PDE4D: variants seen among roughly 807,000 people sequenced by gnomAD.
PDE4D encodes phosphodiesterase 4D, also known as 3',5'-cyclic-AMP phosphodiesterase 4D.
In PDE4D, 24 loss-of-function variants were observed where a neutral mutation model predicts 87.4. That is an observed-to-expected ratio of 0.27 (90% CI 0.20 to 0.39). PDE4D has a LOEUF of 0.39. PDE4D is among the 10% of genes least tolerant of loss of function. PDE4D has a pLI of 1.00. For missense variants in PDE4D, 714 were observed against 1,041.0 expected (o/e 0.69, Z 4.32); for synonymous variants, 384 against 383.2 (o/e 1.00, Z -0.02).
intron 1 of PDE4D, among the ~76,000 whole-genome samples, chr5:59,297,422 G>A (rs544914939): frequency 6.6e-6 from 1 of 152,174 alleles, no homozygotes; most frequent in East Asian, 1.9e-4. Flanking sequence ...GGTCCTTGTG[G>A]TAAATAAATA....
At chr5:59,887,768 C>T (rs770189872) in intron 1 of PDE4D, among the ~76,000 whole-genome samples, 2 of 151,586 alleles carry the variant, frequency 1.3e-5, no homozygotes, top group African/African-American at 2.4e-5. Flanking sequence ...TAAATGTATC[C>T]AAATTGAAAG....
In PDE4D at chr5:59,312,255, T is replaced by C. The variant is rs566739336; in HGVS notation, c.456-96287A>G. Among the ~76,000 whole-genome samples, 19 of 152,276 alleles carry C rather than the reference T, an allele frequency of 1.2e-4. 1 individual carries two copies. In the South Asian group the frequency reaches 3.7e-3, roughly 30 times the overall value. On this transcript the variant is annotated intron_variant, in intron 1 of 14. Transcript: ENST00000340635. ...GGGCTTCCCCAAATTGGCTCTTACA[T>C]TTAGATTAATTTGGAAGGACATAAA...
intron 1 of PDE4D, among the ~76,000 whole-genome samples, chr5:59,402,053 G>C (rs752068639): frequency 2.6e-5 from 4 of 152,078 alleles, no homozygotes; most frequent in Non-Finnish European, 5.9e-5. Context: ...AATGGCCTGG[G>C]GCATGATAAT....
chr5:59,901,210 G>C (rs1752223596), intron 3 of PDE4D, among the ~76,000 whole-genome samples: 1 of 152,132 alleles, frequency 6.6e-6, no homozygotes, highest in African/African-American at 2.4e-5. Flanking sequence ...TTGTGATCTT[G>C]CCTGGATGAC....
intron 2 of PDE4D, among the ~76,000 whole-genome samples, chr5:60,023,655 C>CT (rs1452584387): frequency 6.6e-6 from 1 of 152,136 alleles, no homozygotes. Flanking sequence ...TGGCTCTATT[C>CT]TTTTTTGTGT....
At chr5:59,206,980 C>T (rs564588024) in intron 2 of PDE4D, among the ~76,000 whole-genome samples, 5 of 151,974 alleles carry the variant, frequency 3.3e-5, no homozygotes, top group South Asian at 2.1e-4. Context: ...CTCAGGAATT[C>T]GAGACCAACC....
intron 5 of PDE4D, among the ~76,000 whole-genome samples, chr5:59,060,169 G>A (rs992925668): frequency 5.3e-5 from 8 of 152,038 alleles, no homozygotes; most frequent in Non-Finnish European, 7.4e-5. Context: ...GGCTGGAGTC[G>A]GAGCAGCCAT....
chr5:59,822,721 C>A (rs1769841828), intron 1 of PDE4D, among the ~76,000 whole-genome samples: 1 of 152,202 alleles, frequency 6.6e-6, no homozygotes, highest in African/African-American at 2.4e-5. Flanking sequence ...AGCCACTCTG[C>A]ATACCTGTCC....
intron 3 of PDE4D, among the ~76,000 whole-genome samples, chr5:59,962,596 C>T (rs7719560): frequency 0.73 from 110,885 of 151,080 alleles, 40,665 homozygotes; most frequent in East Asian, 0.97. Flanking sequence ...ACTTTTCTAA[C>T]TATTAATAAT....
intron 3 of PDE4D, among the ~76,000 whole-genome samples, chr5:59,907,215 G>A (rs1201200886): frequency 6.6e-6 from 1 of 152,236 alleles, no homozygotes; most frequent in East Asian, 1.9e-4. Flanking sequence ...CATTCTGACT[G>A]GAGTAAGATG....
chr5:60,204,465 A>G (rs1206121016), intron 1 of PDE4D, among the ~76,000 whole-genome samples: 2 of 151,344 alleles, frequency 1.3e-5, no homozygotes, highest in African/African-American at 4.8e-5. Context: ...GCAAGCAGAT[A>G]TTTGTTGAGT....
intron 3 of PDE4D, among the ~76,000 whole-genome samples, chr5:59,189,255 T>C (rs1240665970): frequency 7.6e-6 from 1 of 130,942 alleles, no homozygotes; most frequent in South Asian, 2.3e-4. Flanking sequence ...TTTTTTTTGT[T>C]TTTTTTTTTT....
intron 2 of PDE4D, among the ~76,000 whole-genome samples, chr5:60,170,238 A>G (rs895153145): frequency 5.9e-5 from 9 of 152,042 alleles, no homozygotes; most frequent in Non-Finnish European, 1.3e-4. Context: ...CTTAGTTTTC[A>G]TAACAATCCT....
intron 2 of PDE4D, among the ~76,000 whole-genome samples, chr5:60,104,139 A>G (rs1487145862): frequency 6.6e-6 from 1 of 152,182 alleles, no homozygotes; most frequent in Non-Finnish European, 1.5e-5. Context: ...TACCTGGAAA[A>G]TCAGGTCACT....
chr5:59,762,888 T>G (rs1187919902), intron 1 of PDE4D, among the ~76,000 whole-genome samples: 38 of 138,434 alleles, frequency 2.7e-4, no homozygotes, highest in African/African-American at 1.0e-3. Flanking sequence ...TATATATATA[T>G]ATATAGCTTG....
At chr5:60,475,600 A>G (rs1317556928) in intron 1 of PDE4D, among the ~76,000 whole-genome samples, 5 of 152,176 alleles carry the variant, frequency 3.3e-5, no homozygotes, top group Non-Finnish European at 2.9e-5. Context: ...TCTAAATACA[A>G]GAACCATTCT....
chr5:59,207,925 A>G (rs2153501189), intron 2 of PDE4D, among the ~76,000 whole-genome samples: 1 of 151,984 alleles, frequency 6.6e-6, no homozygotes, highest in East Asian at 1.9e-4. Flanking sequence ...TGGGAGGCCA[A>G]GGTGGGAGGA....
At chr5:60,467,759 T>C (rs150866131) in intron 1 of PDE4D, among the ~76,000 whole-genome samples, 3 of 152,114 alleles carry the variant, frequency 2.0e-5, no homozygotes, top group East Asian at 1.9e-4. Flanking sequence ...AGGAAACTTA[T>C]GATTGTGATG....
intron 5 of PDE4D, among the ~76,000 whole-genome samples, chr5:59,149,843 T>C (rs1330853400): frequency 6.8e-6 from 1 of 147,450 alleles, no homozygotes; most frequent in Non-Finnish European, 1.5e-5. Context: ...ACTCATTAGA[T>C]TTTTTTTTAA....
Sources: allele counts gnomAD v4.1 joint callset (sites outside exome capture counted in the v4.1 genomes callset), GRCh38; gene constraint gnomAD v4.1.1; transcripts MANE v1.5; gene names NCBI Gene and HGNC (gene_info 2026-07-23, HGNC 2026-07-21).